Variants in SUGCT observed in about 807,000 individuals in gnomAD.
SUGCT encodes the protein succinyl-CoA:glutarate-CoA transferase, also known as succinyl-CoA:glutarate CoA-transferase.
Under a neutral mutation model 55.0 loss-of-function variants are expected in SUGCT, and 41 were observed. The ratio of observed to expected loss-of-function variants is 0.74; its 90% CI spans 0.58 to 0.97. SUGCT has a LOEUF of 0.97. Ranked by LOEUF, SUGCT falls within the 50% of genes least tolerant of loss-of-function variation. SUGCT has a pLI of 0.00. For missense variants in SUGCT, 568 were observed against 547.8 expected, an observed-to-expected ratio of 1.04 and a Z score of -0.37; for synonymous variants, 187 against 200.4, an observed-to-expected ratio of 0.93 and a Z score of 0.56.
intron 12 of SUGCT, among the ~76,000 whole-genome samples, chr7:40,594,565 C>T (rs1459387984): frequency 1.3e-5 from 2 of 152,090 alleles, no homozygotes; most frequent in Non-Finnish European, 2.9e-5. Flanking sequence ...CAATTTTCTC[C>T]TCTATAAAAT....
At chr7:40,645,049 C>T (rs929108907) in intron 12 of SUGCT, among the ~76,000 whole-genome samples, 1 of 152,328 alleles carries the variant, frequency 6.6e-6, no homozygotes, top group African/African-American at 2.4e-5. Flanking sequence ...CATGAGTCAA[C>T]ATCGCTCTGT....
At chr7:41,021,865 A>G in the SUGCT span, among the ~76,000 whole-genome samples, 3 of 152,184 alleles carry the variant, frequency 2.0e-5, no homozygotes, top group African/African-American at 7.2e-5. Context: ...GAGACTCAAT[A>G]AACACAGATA....
chr7:40,339,858 G>A (rs1289814531), intron 9 of SUGCT, among the ~76,000 whole-genome samples: 1 of 152,186 alleles, frequency 6.6e-6, no homozygotes, highest in Non-Finnish European at 1.5e-5. Flanking sequence ...GCTGTAGACT[G>A]GAGCTGTTGC....
chr7:40,360,012 G>A (rs758835489), intron 9 of SUGCT, among the ~76,000 whole-genome samples: 5 of 151,982 alleles, frequency 3.3e-5, no homozygotes, highest in Non-Finnish European at 4.4e-5. Context: ...CTGTGCATGT[G>A]TGTGCAAGAT....
intron 12 of SUGCT, among the ~76,000 whole-genome samples, chr7:40,615,154 C>T (rs1245597223): frequency 6.6e-6 from 1 of 151,790 alleles, no homozygotes; most frequent in Non-Finnish European, 1.5e-5. Flanking sequence ...ATGCTGAATC[C>T]ACCACAAATT....
At chr7:40,180,272 C>T (rs1437994102) in intron 1 of SUGCT, among the ~76,000 whole-genome samples, 1 of 151,810 alleles carries the variant, frequency 6.6e-6, no homozygotes. Context: ...GCACATCCCA[C>T]AGTGCCTGGC....
intron 9 of SUGCT, among the ~76,000 whole-genome samples, chr7:40,365,027 A>G (rs982335929): frequency 2.6e-5 from 4 of 152,184 alleles, no homozygotes; most frequent in South Asian, 2.1e-4. Context: ...AATACTGGCA[A>G]ACCGAATCCA....
chr7:40,409,473 T>G (rs1786554797), intron 9 of SUGCT, among the ~76,000 whole-genome samples: 1 of 152,028 alleles, frequency 6.6e-6, no homozygotes, highest in Non-Finnish European at 1.5e-5. Context: ...CTGTCCAGTC[T>G]GATCCTGAAC....
intron 3 of SUGCT, among the ~76,000 whole-genome samples, chr7:40,188,022 G>A (rs971329242): frequency 2.0e-5 from 3 of 151,098 alleles, no homozygotes; most frequent in African/African-American, 4.9e-5. Context: ...AAAATTAGCC[G>A]GGCATGTTGG....
At chr7:40,899,231 C>T in the SUGCT span, among the ~76,000 whole-genome samples, 1 of 152,194 alleles carries the variant, frequency 6.6e-6, no homozygotes, top group African/African-American at 2.4e-5. Flanking sequence ...CGCCCGCCCT[C>T]CTTCCCTCCC....
At chr7:40,747,287 A>G (rs1787782415) in intron 12 of SUGCT, among the ~76,000 whole-genome samples, 1 of 152,164 alleles carries the variant, frequency 6.6e-6, no homozygotes, top group African/African-American at 2.4e-5. Flanking sequence ...GGCAGCCAGA[A>G]TATTTAGCCA....
chr7:40,455,853 A>G lies in SUGCT; in HGVS notation c.889-3248A>G, dbSNP rs371047307. 3.9e-5 allele frequency among the ~76,000 whole-genome samples: 6 copies of G among 152,308 alleles called. No homozygotes were observed. In the East Asian group the frequency reaches 1.2e-3, roughly 29 times the overall value. On this transcript the variant is annotated intron_variant, in intron 10 of 13. Coordinates refer to ENST00000335693, the MANE Select transcript of SUGCT (RefSeq NM_001193313.2). ...TCTATCATACTGGATGCCATTTTAA[A>G]TGGCAATTAAACTTAACATGTGTTG...
At chr7:40,771,503 T>C (rs1789106289) in intron 13 of SUGCT, among the ~76,000 whole-genome samples, 1 of 152,162 alleles carries the variant, frequency 6.6e-6, no homozygotes, top group Non-Finnish European at 1.5e-5. Context: ...GAAAGGTAAA[T>C]ACTGTGGTTC....
intron 12 of SUGCT, among the ~76,000 whole-genome samples, chr7:40,504,756 A>G (rs996397810): frequency 6.6e-6 from 1 of 152,122 alleles, no homozygotes; most frequent in African/African-American, 2.4e-5. Flanking sequence ...TCTCGGTACC[A>G]TTGTTGAAAA....
the SUGCT span, among the ~76,000 whole-genome samples, chr7:40,901,030 G>C: frequency 6.6e-6 from 1 of 152,162 alleles, no homozygotes; most frequent in Admixed American, 6.5e-5. Context: ...TAGGTGGTGG[G>C]GAGTGAGGTA....
intron 12 of SUGCT, among the ~76,000 whole-genome samples, chr7:40,734,867 T>C (rs553362086): frequency 7.0e-4 from 106 of 152,280 alleles, no homozygotes; most frequent in African/African-American, 2.2e-3. Flanking sequence ...TTCTGCCTCT[T>C]AGACTGGACT....
intron 6 of SUGCT, among the ~76,000 whole-genome samples, chr7:40,199,140 C>G (rs921320939): frequency 6.6e-6 from 1 of 151,964 alleles, no homozygotes; most frequent in Admixed American, 6.6e-5. Flanking sequence ...TGGTATTGCT[C>G]TCTTGTCAGT....
chr7:40,781,199 T>C (rs569287575), intron 13 of SUGCT, among the ~76,000 whole-genome samples: 1 of 152,306 alleles, frequency 6.6e-6, no homozygotes, highest in East Asian at 1.9e-4. Flanking sequence ...CCCAAGATAG[T>C]TATTCTCAAG....
At chr7:40,476,847 G>C (rs117237759) in intron 11 of SUGCT, among the ~76,000 whole-genome samples, 5,508 of 151,472 alleles carry the variant, frequency 0.036, 180 homozygotes, top group Non-Finnish European at 0.051. Context: ...GCCAAGGCTG[G>C]AGTGCAATGG....
Sources: allele counts gnomAD v4.1 joint callset (sites outside exome capture counted in the v4.1 genomes callset), GRCh38; gene constraint gnomAD v4.1.1; transcripts MANE v1.5; gene names NCBI Gene and HGNC (gene_info 2026-07-23, HGNC 2026-07-21).